The following RAD17 variants were observed in gnomAD, a reference collection of about 807,000 sequenced individuals.
RAD17 encodes cell cycle checkpoint protein RAD17.
A neutral mutation model predicts 81.5 loss-of-function variants in RAD17; 31 were observed. The observed-to-expected ratio is 0.38, with a 90% CI of 0.29 to 0.51. RAD17 has a LOEUF of 0.51. Among genes scored for constraint, RAD17 ranks in the 20% least tolerant of loss-of-function variants. The pLI is 0.88. For missense variants in RAD17, 681 were observed against 781.2 expected (o/e 0.87, Z 1.53); for synonymous variants, 261 against 266.2 (o/e 0.98, Z 0.19).
intron 6 of RAD17, among the ~76,000 whole-genome samples, chr5:69,379,980 A>C (rs1304115144): frequency 6.6e-6 from 1 of 151,714 alleles, no homozygotes; most frequent in Non-Finnish European, 1.5e-5. Flanking sequence ...TCCCGGGTTC[A>C]AGCGATTTTC....
rs796612915 is a variant in RAD17 at position 69,391,325 on chromosome 5, G to A, written c.1007-506G>A. Among the ~76,000 whole-genome samples the A allele has an allele frequency of 2.0e-5, 3 of 152,062 alleles. No individual in the cohort carries two copies. In the South Asian group the frequency reaches 6.2e-4, roughly 31 times the overall value. On this transcript the variant is annotated intron_variant, in intron 12 of 18. Transcript: ENST00000354868. ...AAGAACAGTATCTTGCACATAACAC[G>A]ATGAGAAACCAAGGCGATGTGACTG... is the stretch of plus-strand genomic sequence containing the variant.
chr5:69,386,159 T>C (rs779276978), intron 9 of RAD17, 21 bp from the exon 10 acceptor site: 2 of 1,600,092 alleles, frequency 1.2e-6, no homozygotes, highest in Non-Finnish European at 1.7e-6. Flanking sequence ...ATTTCAACAT[T>C]GCTGTATTTT....
chr5:69,380,470 C>T (rs908142237), intron 6 of RAD17, among the ~76,000 whole-genome samples: 3 of 152,150 alleles, frequency 2.0e-5, no homozygotes, highest in African/African-American at 7.2e-5. Context: ...GATTATCTGG[C>T]ACATGACTGT....
chr5:69,380,010 A>C (rs1289223151), intron 6 of RAD17, among the ~76,000 whole-genome samples: 1 of 151,730 alleles, frequency 6.6e-6, no homozygotes, highest in Non-Finnish European at 1.5e-5. Context: ...CCTCCTGAGT[A>C]GCTGGGATTA....
chr5:69,410,491 A>G lies in RAD17; in HGVS notation c.1694-2A>G, dbSNP rs1462597122. 1.2e-6 allele frequency: 2 copies of G among 1,610,986 alleles called. No homozygotes were observed. The highest frequency in any genetic ancestry group is 8.5e-7 in the Non-Finnish European group (1 of 1,178,090). ...TTACAACTTTTAAAAAATCTGTTTC[A>G]GCTCAGATTTCTTTTATCCAAGATA... On this transcript the variant is annotated splice_acceptor_variant, in intron 17 of 18. Coordinates refer to ENST00000354868, the MANE Select transcript of RAD17 (RefSeq NM_133338.3). LOFTEE classifies it high-confidence loss of function.
chr5:69,407,573 T>TTG (rs1765694865), intron 17 of RAD17, among the ~76,000 whole-genome samples: 4 of 125,000 alleles, frequency 3.2e-5, no homozygotes, highest in Non-Finnish European at 6.7e-5. Context: ...TTTTTTTTTT[T>TTG]TTTTTTTTTT....
chr5:69,389,880 C>T (rs995603575), intron 12 of RAD17, among the ~76,000 whole-genome samples: 10 of 152,144 alleles, frequency 6.6e-5, no homozygotes, highest in African/African-American at 2.4e-4. Context: ...TCGTGATCCG[C>T]CCGCCTCGGC....
At chr5:69,384,551 A>G (rs1452580146) in intron 7 of RAD17, among the ~76,000 whole-genome samples, 3 of 152,150 alleles carry the variant, frequency 2.0e-5, no homozygotes, top group Non-Finnish European at 2.9e-5. Context: ...CCTGAGGTCA[A>G]GCGATCCACC....
In RAD17 at chr5:69,393,200, T is replaced by C; in HGVS notation, c.1235T>C (p.Leu412Ser). The change falls in exon 14 of 19, where the codon TTA (leucine) becomes TCA (serine). Residue 412 changes from leucine to serine, a missense_variant. By Grantham distance (145) the Leu-to-Ser change is moderately radical. Transcript: ENST00000354868. Reference protein sequence around the residue: ...ELDSPRLPSHLSEYERDTLLV... With the variant: ...ELDSPRLPSHSSEYERDTLLV... ...GACTCACCTCGGTTGCCCTCTCATT[T>C]ATCAGAATATGAACGGGATACATTA... The C allele has an allele frequency of 6.2e-7, 1 of 1,612,230 alleles. No individual in the cohort carries two copies. The highest frequency in any genetic ancestry group is 1.1e-5 in the South Asian group (1 of 90,784).
At chr5:69,383,232 G>A (rs1763963839) in intron 7 of RAD17, among the ~76,000 whole-genome samples, 1 of 152,024 alleles carries the variant, frequency 6.6e-6, no homozygotes. Flanking sequence ...CCATTTTGAA[G>A]GGAAAAGGGT....
At chr5:69,374,759 G>A (rs748795868) in intron 6 of RAD17, 48 bp downstream of exon 6, 12 of 1,396,328 alleles carry the variant, frequency 8.6e-6, no homozygotes, top group Middle Eastern at 1.8e-4. Context: ...ATATTTTTCT[G>A]ACTTACAGTG....
chr5:69,372,002 A>G, intron 3 of RAD17, 32 bp from the exon 4 acceptor site: 2 of 1,150,634 alleles, frequency 1.7e-6, no homozygotes, highest in Non-Finnish European at 2.2e-6. Context: ...TAAGTTACTT[A>G]ACTTTGCTGT....
chr5:69,380,563 C>G lies in RAD17; in HGVS notation c.352-1338C>G, dbSNP rs17236240. On this transcript the variant is annotated intron_variant, in intron 6 of 18. Coordinates refer to ENST00000354868, the MANE Select transcript of RAD17 (RefSeq NM_133338.3). Reference sequence around the variant, plus strand: ...GCCCCTTTCAAAAGTGGAGCAGGCTCTCTTTGTCCAAGTACATAGGTTCTT... The same window carrying G: ...GCCCCTTTCAAAAGTGGAGCAGGCTGTCTTTGTCCAAGTACATAGGTTCTT... 1.6e-3 allele frequency among the ~76,000 whole-genome samples: 238 copies of G among 152,214 alleles called. 1 individual carries two copies. The highest frequency in any genetic ancestry group is 4.8e-3 in the African/African-American group (200 of 41,526).
At chr5:69,374,561 A>T (rs1409526715) in intron 5 of RAD17, 67 bp from the exon 6 acceptor site, 1 of 1,051,856 alleles carries the variant, frequency 9.5e-7, no homozygotes, top group Admixed American at 2.2e-5. Flanking sequence ...TTAGGTTCAT[A>T]TGTGCTGATG....
chr5:69,410,636 A>G (rs1267554188), intron 18 of RAD17, 86 bp downstream of exon 18: 25 of 1,231,710 alleles, frequency 2.0e-5, no homozygotes, highest in Non-Finnish European at 2.4e-6. Context: ...TGTTACCTGT[A>G]ACATCCAAGA....
chr5:69,396,344 A>G, intron 15 of RAD17, 53 bp from the exon 16 acceptor site: 1 of 1,559,418 alleles, frequency 6.4e-7, no homozygotes, highest in Non-Finnish European at 8.7e-7. Flanking sequence ...CAGGAATACC[A>G]GTAATGCTCT....
intron 17 of RAD17, among the ~76,000 whole-genome samples, chr5:69,404,397 A>AT (rs200751931): frequency 0.017 from 2,583 of 152,306 alleles, 36 homozygotes; most frequent in Middle Eastern, 0.034. Context: ...AAAGAATGCA[A>AT]TAGTAAGAAA....
intron 17 of RAD17, among the ~76,000 whole-genome samples, chr5:69,405,090 G>A (rs1036391714): frequency 3.3e-5 from 5 of 152,192 alleles, no homozygotes; most frequent in East Asian, 1.9e-4. Context: ...TAGAATGGCC[G>A]TTACCAAAAG....
intron 15 of RAD17, among the ~76,000 whole-genome samples, chr5:69,396,065 ATTAAG>A (rs950023501): frequency 5.9e-5 from 9 of 152,242 alleles, no homozygotes; most frequent in South Asian, 2.1e-4. Flanking sequence ...TAGTTATATA[ATTAAG>A]TTAACTTTCC....
Sources: allele counts gnomAD v4.1 joint callset (sites outside exome capture counted in the v4.1 genomes callset), GRCh38; gene constraint gnomAD v4.1.1; transcripts MANE v1.5; gene names NCBI Gene and HGNC (gene_info 2026-07-23, HGNC 2026-07-21).